TENM4: variants seen among roughly 807,000 people sequenced by gnomAD.
The protein encoded by TENM4 is teneurin transmembrane protein 4.
A neutral mutation model predicts 243.3 loss-of-function variants in TENM4; 82 were observed. The observed-to-expected ratio is 0.34, with a 90% confidence interval of 0.28 to 0.40. The LOEUF (loss-of-function observed/expected upper bound fraction) is 0.40. Among genes scored for constraint, TENM4 ranks in the 10% least tolerant of loss-of-function variants. The probability of loss-of-function intolerance (pLI) is 1.00; values close to 1 mark genes in which losing one functional copy is unlikely to be tolerated. For missense variants in TENM4, 3,138 were observed against 3,673.3 expected (o/e 0.85, Z 3.77); for synonymous variants, 1,412 against 1,456.3 (o/e 0.97, Z 0.69).
At chr11:79,030,535 G>T (rs1859200509) in intron 6 of TENM4, among the ~76,000 whole-genome samples, 1 of 152,176 alleles carries the variant, frequency 6.6e-6, no homozygotes, top group Admixed American at 6.5e-5. Flanking sequence ...AGGAGAGACA[G>T]CTCCCCACTG....
intron 12 of TENM4, among the ~76,000 whole-genome samples, chr11:78,847,409 C>T (rs1002078883): frequency 1.3e-5 from 2 of 152,198 alleles, no homozygotes; most frequent in African/African-American, 4.8e-5. Flanking sequence ...GGAGCCCTGC[C>T]CTTCAGTGAG....
chr11:78,742,115 C>T (rs113179606), intron 19 of TENM4, among the ~76,000 whole-genome samples: 3 of 152,200 alleles, frequency 2.0e-5, no homozygotes, highest in African/African-American at 2.4e-5. Flanking sequence ...ATTTGATGGT[C>T]GTATGTTTAT....
intron 6 of TENM4, among the ~76,000 whole-genome samples, chr11:78,959,632 C>T (rs1216830159): frequency 1.3e-5 from 2 of 152,114 alleles, no homozygotes; most frequent in Non-Finnish European, 2.9e-5. Flanking sequence ...ATGCTTATTA[C>T]CAACTTTTAG....
Position 79,296,597 on chromosome 11 carries a change from G to A in TENM4, c.-265+891C>T, listed in dbSNP as rs183341601. Among the ~76,000 whole-genome samples, 75 of 152,356 alleles carry A rather than the reference G, an allele frequency of 4.9e-4. 1 individual carries two copies. The East Asian group carries it at 5.8e-3, about 12-fold the overall frequency. On this transcript the variant is annotated intron_variant, in intron 2 of 33. Transcript: ENST00000278550. ...GATACTCACTGCCAAGTGGTAGAATGCAACAATGACCATTCAGATGCTACA... is the reference window on the plus strand; with the variant it reads ...GATACTCACTGCCAAGTGGTAGAATACAACAATGACCATTCAGATGCTACA...
intron 4 of TENM4, among the ~76,000 whole-genome samples, chr11:79,070,554 G>A (rs568129205): frequency 2.0e-5 from 3 of 152,306 alleles, no homozygotes; most frequent in Admixed American, 2.0e-4. Context: ...ACCACTACCA[G>A]ATGATTATAT....
intron 12 of TENM4, among the ~76,000 whole-genome samples, chr11:78,844,754 AAG>A (rs1383958659): frequency 6.6e-6 from 1 of 152,166 alleles, no homozygotes; most frequent in African/African-American, 2.4e-5. Flanking sequence ...GCCAGCCTGG[AAG>A]AGAGGCCTCA....
chr11:78,841,561 T>G (rs2136174185), intron 12 of TENM4, among the ~76,000 whole-genome samples: 1 of 152,188 alleles, frequency 6.6e-6, no homozygotes, highest in South Asian at 2.1e-4. Context: ...GTGTGTCTCC[T>G]CCTTTCCTAG....
At chr11:78,864,942 G>A (rs998469782) in intron 9 of TENM4, among the ~76,000 whole-genome samples, 1 of 152,128 alleles carries the variant, frequency 6.6e-6, no homozygotes, top group African/African-American at 2.4e-5. Flanking sequence ...TGCCTGACCC[G>A]CTAGGGGGGC....
intron 6 of TENM4, among the ~76,000 whole-genome samples, chr11:79,000,445 A>C (rs546609958): frequency 8.5e-6 from 1 of 117,710 alleles, no homozygotes; most frequent in African/African-American, 6.1e-5. Context: ...AGTTAGGTTT[A>C]TAATATGTAT....
intron 4 of TENM4, among the ~76,000 whole-genome samples, chr11:79,145,607 C>A (rs550352964): frequency 6.6e-6 from 1 of 152,138 alleles, no homozygotes; most frequent in East Asian, 1.9e-4. Context: ...GGGCTGATGG[C>A]CATGTGTTTT....
At chr11:78,693,014 G>A (rs1398620164) in intron 28 of TENM4, among the ~76,000 whole-genome samples, 2 of 149,020 alleles carry the variant, frequency 1.3e-5, no homozygotes. Flanking sequence ...CCTAATATAA[G>A]CTCCATGAGG....
intron 6 of TENM4, among the ~76,000 whole-genome samples, chr11:78,985,018 T>C (rs1462002373): frequency 6.6e-6 from 1 of 152,172 alleles, no homozygotes; most frequent in African/African-American, 2.4e-5. Flanking sequence ...CCACTTAAGG[T>C]GTGATCTTAT....
chr11:79,008,573 C>A (rs1388476160), intron 6 of TENM4, among the ~76,000 whole-genome samples: 1 of 152,100 alleles, frequency 6.6e-6, no homozygotes, highest in East Asian at 1.9e-4. Flanking sequence ...CCATGAAAGC[C>A]TCTTTGTAGG....
intron 1 of TENM4, among the ~76,000 whole-genome samples, chr11:79,307,544 A>C (rs566149): frequency 0.79 from 119,594 of 152,042 alleles, 47,268 homozygotes; most frequent in Middle Eastern, 0.9. Flanking sequence ...TCATCTCTCA[A>C]CTGAGCTTCC....
chr11:79,371,777 TG>T (rs1454650654), intron 1 of TENM4, among the ~76,000 whole-genome samples: 1 of 152,202 alleles, frequency 6.6e-6, no homozygotes, highest in East Asian at 1.9e-4. Flanking sequence ...AGAAACCCCC[TG>T]GGGAATGCAC....
At chr11:78,980,233 T>C (rs1315716725) in intron 6 of TENM4, among the ~76,000 whole-genome samples, 2 of 152,232 alleles carry the variant, frequency 1.3e-5, no homozygotes, top group African/African-American at 4.8e-5. Context: ...ACTTTCTCTT[T>C]GCCAGACATT....
chr11:78,696,217 C>T (rs934101142), intron 28 of TENM4, among the ~76,000 whole-genome samples: 1 of 152,126 alleles, frequency 6.6e-6, no homozygotes, highest in Non-Finnish European at 1.5e-5. Flanking sequence ...GTTTTCATTT[C>T]TAACAATTCC....
At chr11:78,964,225 T>A (rs1282506900) in intron 6 of TENM4, among the ~76,000 whole-genome samples, 1 of 151,776 alleles carries the variant, frequency 6.6e-6, no homozygotes, top group African/African-American at 2.4e-5. Flanking sequence ...GTATTTTTAG[T>A]AGAGACAGGG....
chr11:79,189,230 G>C (rs1412721113), intron 3 of TENM4, among the ~76,000 whole-genome samples: 2 of 152,112 alleles, frequency 1.3e-5, no homozygotes, highest in East Asian at 3.8e-4. Context: ...AAATCTAAGA[G>C]GAACTAAGAA....
Sources: gnomAD v4.1 joint callset for allele counts (sites outside exome capture counted in the v4.1 genomes callset) on GRCh38, gnomAD v4.1.1 for gene constraint, MANE v1.5 for transcripts, NCBI Gene and HGNC (gene_info 2026-07-23, HGNC 2026-07-21) for gene names.